PDE1A: variants seen among roughly 807,000 people sequenced by gnomAD.
PDE1A encodes the protein dual specificity calcium/calmodulin-dependent 3',5'-cyclic nucleotide phosphodiesterase 1A.
In PDE1A, 35 loss-of-function variants were observed where a neutral mutation model predicts 61.7. The observed-to-expected ratio is 0.57, with a 90% CI of 0.43 to 0.75. The LOEUF (loss-of-function observed/expected upper bound fraction) is 0.75. PDE1A is among the 30% of genes least tolerant of loss of function. The pLI, the probability that PDE1A is intolerant of heterozygous loss-of-function variation, is 0.00. For missense variants in PDE1A, 597 were observed against 630.6 expected (o/e 0.95, Z 0.57); for synonymous variants, 232 against 213.2 (o/e 1.09, Z -0.77).
the PDE1A span, among the ~76,000 whole-genome samples, chr2:182,679,730 T>C: frequency 3.3e-5 from 5 of 152,232 alleles, no homozygotes; most frequent in Admixed American, 6.5e-5. Context: ...GCAGACTCAG[T>C]ATCACAAAGA....
At chr2:182,617,540 A>G in the PDE1A span, among the ~76,000 whole-genome samples, 35 of 152,278 alleles carry the variant, frequency 2.3e-4, no homozygotes, top group East Asian at 6.8e-3. Flanking sequence ...TGAACCTAAG[A>G]GTGGTCTTGG....
At chr2:182,536,155 C>T in the PDE1A span, among the ~76,000 whole-genome samples, 2 of 152,184 alleles carry the variant, frequency 1.3e-5, no homozygotes, top group African/African-American at 4.8e-5. Flanking sequence ...TCACACTTCT[C>T]AACTTCTGTG....
chr2:182,554,733 C>T, the PDE1A span, among the ~76,000 whole-genome samples: 1 of 152,102 alleles, frequency 6.6e-6, no homozygotes, highest in Non-Finnish European at 1.5e-5. Flanking sequence ...TATTTTTAGT[C>T]ATGTCATTAT....
chr2:182,568,656 C>T, the PDE1A span, among the ~76,000 whole-genome samples: 6 of 152,044 alleles, frequency 3.9e-5, no homozygotes, highest in Admixed American at 1.3e-4. Flanking sequence ...CACAGTGAGA[C>T]GCCGTCTCAA....
rs567642268 is a variant in PDE1A at position 182,380,815 on chromosome 2, T to C, written c.53+45763A>G. Reference sequence around the variant, plus strand: ...AATCCAGTTCACAAGGTAACCAGACTAATAGTTATTTAATAAAGCAATAAA... The same window carrying C: ...AATCCAGTTCACAAGGTAACCAGACCAATAGTTATTTAATAAAGCAATAAA... On this transcript the variant is annotated intron_variant, in intron 1 of 13. Transcript: ENST00000351439. Among the ~76,000 whole-genome samples the C allele has an allele frequency of 1.3e-4, 20 of 152,310 alleles. No homozygotes were observed. The East Asian group carries it at 3.9e-3, about 29-fold the overall frequency.
chr2:182,539,953 G>A, the PDE1A span, among the ~76,000 whole-genome samples: 4 of 152,080 alleles, frequency 2.6e-5, no homozygotes, highest in African/African-American at 4.8e-5. Flanking sequence ...TTAGAAGAAA[G>A]CTTTTTATTG....
chr2:182,177,129 A>G (rs1273168616), intron 13 of PDE1A, among the ~76,000 whole-genome samples: 1 of 150,562 alleles, frequency 6.6e-6, no homozygotes, highest in Non-Finnish European at 1.5e-5. Context: ...TTCATCAAGG[A>G]TATTGGTCTA....
At chr2:182,447,396 T>A (rs2125701711) in intron 2 of PDE1A, among the ~76,000 whole-genome samples, 1 of 152,208 alleles carries the variant, frequency 6.6e-6, no homozygotes, top group African/African-American at 2.4e-5. Context: ...TGCCAAATTC[T>A]GACACTTTCC....
At chr2:182,207,569 T>C (rs1687217969) in intron 7 of PDE1A, among the ~76,000 whole-genome samples, 1 of 152,192 alleles carries the variant, frequency 6.6e-6, no homozygotes, top group African/African-American at 2.4e-5. Context: ...AAGCAGAGCA[T>C]AAAAGTTTAA....
At chr2:182,475,690 T>C (rs1559497079) in intron 2 of PDE1A, among the ~76,000 whole-genome samples, 1 of 151,960 alleles carries the variant, frequency 6.6e-6, no homozygotes, top group Non-Finnish European at 1.5e-5. Flanking sequence ...ACCAGATTTT[T>C]TTGTCAACTC....
chr2:182,454,135 G>A (rs753016318), intron 2 of PDE1A, among the ~76,000 whole-genome samples: 7 of 152,224 alleles, frequency 4.6e-5, no homozygotes, highest in Middle Eastern at 6.8e-3. Flanking sequence ...CAGACAAACA[G>A]AGAGCCAAAT....
chr2:182,591,871 C>T, the PDE1A span, among the ~76,000 whole-genome samples: 1 of 152,176 alleles, frequency 6.6e-6, no homozygotes, highest in Non-Finnish European at 1.5e-5. Flanking sequence ...CATTCTCATT[C>T]CACCAGTGAA....
intron 7 of PDE1A, among the ~76,000 whole-genome samples, chr2:182,214,087 A>C (rs1208109114): frequency 1.3e-5 from 2 of 150,452 alleles, no homozygotes; most frequent in African/African-American, 2.5e-5. Flanking sequence ...AAACCCTACA[A>C]GCCAGAAGAG....
At chr2:182,275,678 T>C (rs73032449) in intron 1 of PDE1A, among the ~76,000 whole-genome samples, 2,333 of 152,198 alleles carry the variant, frequency 0.015, 37 homozygotes, top group African/African-American at 0.031. Context: ...CAGATTTTTG[T>C]CTGGTGTGAA....
At chr2:182,590,050 T>C in the PDE1A span, among the ~76,000 whole-genome samples, 4 of 152,204 alleles carry the variant, frequency 2.6e-5, no homozygotes, top group African/African-American at 7.2e-5. Context: ...GTTATAGGTG[T>C]CCTTTCTGGA....
At chr2:182,687,283 C>A in the PDE1A span, among the ~76,000 whole-genome samples, 4 of 152,318 alleles carry the variant, frequency 2.6e-5, no homozygotes, top group East Asian at 1.9e-4. Flanking sequence ...AGGCACCCCC[C>A]AGTAGGGGCA....
At chr2:182,520,116 A>AT (rs1690473936) in intron 2 of PDE1A, among the ~76,000 whole-genome samples, 1 of 151,934 alleles carries the variant, frequency 6.6e-6, no homozygotes, top group Non-Finnish European at 1.5e-5. Context: ...TCAATATTGC[A>AT]TTTTAAATAG....
chr2:182,144,251 CT>C (rs1574485222), downstream of PDE1A, among the ~76,000 whole-genome samples: 1 of 152,236 alleles, frequency 6.6e-6, no homozygotes. Flanking sequence ...TAGTGGCTTG[CT>C]TTGGAAATGC....
At chr2:182,383,567 C>G (rs548642707) in intron 1 of PDE1A, among the ~76,000 whole-genome samples, 1 of 152,016 alleles carries the variant, frequency 6.6e-6, no homozygotes, top group African/African-American at 2.4e-5. Context: ...TAGTTGGATG[C>G]AAGAAAATAT....
Sources: allele counts gnomAD v4.1 joint callset (sites outside exome capture counted in the v4.1 genomes callset), GRCh38; gene constraint gnomAD v4.1.1; transcripts MANE v1.5; gene names NCBI Gene and HGNC (gene_info 2026-07-23, HGNC 2026-07-21).